Variants in FZD3 observed in about 807,000 individuals in gnomAD.
FZD3 encodes the protein frizzled class receptor 3, also known as frizzled-3.
A neutral mutation model predicts 60.7 loss-of-function variants in FZD3; 30 were observed. The observed-to-expected ratio is 0.49, with a 90% CI of 0.37 to 0.67. FZD3 has a LOEUF of 0.67. Among genes scored for constraint, FZD3 ranks in the 30% least tolerant of loss-of-function variants. FZD3 has a pLI of 0.00. For missense variants in FZD3, 605 were observed against 838.7 expected (o/e 0.72, Z 3.44); for synonymous variants, 246 against 275.2 (o/e 0.89, Z 1.05).
rs1222020581 is a variant in FZD3 at position 28,568,587 on chromosome 8, C to G, written c.*5576C>G. ...ACCCAGAACCAGCCATCCTTGTAGACATTTCTATTTGGTTGATTTATAAAG... is the reference window on the plus strand; with the variant it reads ...ACCCAGAACCAGCCATCCTTGTAGAGATTTCTATTTGGTTGATTTATAAAG... On this transcript the variant is annotated 3_prime_UTR_variant, in exon 8 of 8. Coordinates refer to ENST00000240093, the MANE Select transcript of FZD3 (RefSeq NM_017412.4). 3 of 152,082 alleles carry G rather than the reference C, an allele frequency of 2.0e-5. No individual in the cohort carries two copies. The highest frequency in any genetic ancestry group is 6.5e-5 in the Admixed American group (1 of 15,268). The allele number at this position is 152,082 out of a possible 1,614,324, so 9.4% of individuals were successfully genotyped here.
intron 7 of FZD3, among the ~76,000 whole-genome samples, chr8:28,562,207 T>C (rs1383305957): frequency 6.6e-6 from 1 of 152,204 alleles, no homozygotes; most frequent in Non-Finnish European, 1.5e-5. Context: ...TGATGAGAAG[T>C]AATTAAGATA....
intron 3 of FZD3, among the ~76,000 whole-genome samples, chr8:28,507,622 T>G (rs1421335633): frequency 6.6e-6 from 1 of 152,222 alleles, no homozygotes; most frequent in Non-Finnish European, 1.5e-5. Flanking sequence ...TCATTGACTA[T>G]TGGATTACTT....
At chr8:28,517,277 T>C (rs1215461590) in intron 3 of FZD3, among the ~76,000 whole-genome samples, 7 of 152,244 alleles carry the variant, frequency 4.6e-5, no homozygotes, top group East Asian at 1.9e-4. Context: ...TCCATTGTTA[T>C]GTGGTTTTCT....
At chr8:28,524,136 C>T (rs12677070) in intron 4 of FZD3, among the ~76,000 whole-genome samples, 2 of 152,132 alleles carry the variant, frequency 1.3e-5, no homozygotes, top group African/African-American at 4.8e-5. Context: ...ACAAAATGGA[C>T]TAAGACAGCA....
At chr8:28,551,521 GA>G in intron 5 of FZD3, 81 bp from the exon 6 acceptor site, 1 of 1,109,886 alleles carries the variant, frequency 9.0e-7, no homozygotes, top group Non-Finnish European at 1.3e-6. Flanking sequence ...TGTCTCAAAA[GA>G]AAAAGAAAAA....
intron 3 of FZD3, among the ~76,000 whole-genome samples, chr8:28,519,516 G>T (rs1195299265): frequency 6.6e-6 from 1 of 152,022 alleles, no homozygotes; most frequent in Non-Finnish European, 1.5e-5. Flanking sequence ...GATCGCTTGA[G>T]CCCAAGAGTT....
chr8:28,554,416 CTTG>C (rs1003586562), intron 6 of FZD3, among the ~76,000 whole-genome samples: 3 of 152,022 alleles, frequency 2.0e-5, no homozygotes, highest in African/African-American at 7.2e-5. Context: ...CTATTTTTGG[CTTG>C]TTCTTTTTTC....
intron 3 of FZD3, among the ~76,000 whole-genome samples, chr8:28,510,106 T>TTTTTTTG (rs1554532821): frequency 1.2e-4 from 18 of 150,818 alleles, no homozygotes; most frequent in South Asian, 4.2e-4. Flanking sequence ...ATTTTCTGTT[T>TTTTTTTG]TTTTTGTTTT....
chr8:28,520,209 C>CA (rs1410331457), intron 3 of FZD3, among the ~76,000 whole-genome samples: 10 of 42,340 alleles, frequency 2.4e-4, no homozygotes, highest in South Asian at 2.1e-3. Context: ...GACTCCATCT[C>CA]AAAAAAAACA....
intron 5 of FZD3, among the ~76,000 whole-genome samples, chr8:28,540,805 C>T (rs1805145829): frequency 6.6e-6 from 1 of 151,934 alleles, no homozygotes; most frequent in African/African-American, 2.4e-5. Context: ...ATTAGCTGGG[C>T]GTGGTGGCGG....
At chr8:28,519,503 A>G (rs1411744833) in intron 3 of FZD3, among the ~76,000 whole-genome samples, 1 of 152,022 alleles carries the variant, frequency 6.6e-6, no homozygotes, top group Non-Finnish European at 1.5e-5. Context: ...GCTGAGATGG[A>G]CAGATCGCTT....
chr8:28,520,916 TA>T, intron 4 of FZD3, 82 bp downstream of exon 4: 2 of 1,003,416 alleles, frequency 2.0e-6, no homozygotes, highest in Non-Finnish European at 2.8e-6. Flanking sequence ...CCATCTGTTT[TA>T]AAAAACTTTT....
At position 28,563,574 on chromosome 8, in the gene FZD3, G is replaced by C. The variant is rs1805654357; in HGVS notation, c.*563G>C. On this transcript the variant is annotated 3_prime_UTR_variant, in exon 8 of 8. Transcript: ENST00000240093. Reference sequence around the variant, plus strand: ...GAATAAAAGTGCAACAGAAGAATTTGATTAGTCTATGAAAGGTTCTCTTAA... The same window carrying C: ...GAATAAAAGTGCAACAGAAGAATTTCATTAGTCTATGAAAGGTTCTCTTAA... 6.5e-6 allele frequency: 1 copy of C among 154,214 alleles called. No homozygotes were observed. Among genetic ancestry groups the C allele is most frequent in the South Asian group, 2.0e-4 (1 of 4,974 alleles). 9.6% of individuals were successfully genotyped at this position (154,214 alleles called of 1,614,324 possible).
rs1419343819 is a variant in FZD3 at position 28,570,803 on chromosome 8, G to C, written c.*7792G>C. ...GCTCATATCAGTCTTTTGAACACTGGTTCAAATCTGGGTGTTGGGTTAGGA... is the reference window on the plus strand; with the variant it reads ...GCTCATATCAGTCTTTTGAACACTGCTTCAAATCTGGGTGTTGGGTTAGGA... On this transcript the variant is annotated 3_prime_UTR_variant, in exon 8 of 8. Transcript: ENST00000240093. 6.6e-6 allele frequency: 1 copy of C among 152,010 alleles called. No individual in the cohort carries two copies. Among genetic ancestry groups the C allele is most frequent in the Non-Finnish European group, 1.5e-5 (1 of 68,016 alleles). The allele number at this position is 152,010 out of a possible 1,614,324, so 9.4% of individuals were successfully genotyped here. A position where few individuals can be genotyped will look rare whatever the true frequency, so the allele number is the denominator to read the frequency against.
intron 5 of FZD3, among the ~76,000 whole-genome samples, chr8:28,548,635 A>G (rs1017082186): frequency 2.0e-5 from 3 of 152,238 alleles, no homozygotes; most frequent in African/African-American, 4.8e-5. Context: ...ACTGTGTTCT[A>G]TAATTACACA....
intron 3 of FZD3, among the ~76,000 whole-genome samples, chr8:28,514,032 G>T (rs1363411990): frequency 1.3e-5 from 2 of 152,136 alleles, no homozygotes; most frequent in African/African-American, 4.8e-5. Context: ...AGAATGGAAG[G>T]TTCCCTGTAG....
chr8:28,528,745 A>G (rs1804785434), intron 5 of FZD3, among the ~76,000 whole-genome samples: 1 of 152,188 alleles, frequency 6.6e-6, no homozygotes, highest in Admixed American at 6.6e-5. Context: ...TTAAACATCT[A>G]GTACCTTATT....
In FZD3 at chr8:28,555,782, C is replaced by T; in HGVS notation, c.1598C>T (p.Ala533Val). The change falls in exon 7 of 8, where the codon GCT becomes GTT. Residue 533 changes from alanine to valine, a missense_variant. By Grantham distance (64) the Ala-to-Val change is moderately conservative. Transcript: ENST00000240093. ...SRQVLQEPDF[A>V]QSLLRDPNTP... is the part of the protein sequence containing the mutation. ...CAGGTACTCCAGGAACCTGATTTTG[C>T]TCAGTCTCTCCTGAGGGATCCAAAT... 6.2e-7 allele frequency: 1 copy of T among 1,613,640 alleles called. No individual in the cohort carries two copies.
intron 1 of FZD3, among the ~76,000 whole-genome samples, chr8:28,499,174 A>G (rs575031477): frequency 5.3e-5 from 8 of 152,326 alleles, no homozygotes; most frequent in East Asian, 1.9e-4. Flanking sequence ...AAAATTCCAT[A>G]AAGCATTTAA....
Sources: gnomAD v4.1 joint callset for allele counts (sites outside exome capture counted in the v4.1 genomes callset) on GRCh38, gnomAD v4.1.1 for gene constraint, MANE v1.5 for transcripts, NCBI Gene and HGNC (gene_info 2026-07-23, HGNC 2026-07-21) for gene names.